The following MIER3 variants were observed in gnomAD, a reference collection of about 807,000 sequenced individuals.
The protein encoded by MIER3 is mesoderm induction early response protein 3.
Under a neutral mutation model 63.2 loss-of-function variants are expected in MIER3, and 9 were observed. That is an observed-to-expected ratio of 0.14 (90% CI 0.09 to 0.25). The LOEUF (loss-of-function observed/expected upper bound fraction) is 0.25. Among genes scored for constraint, MIER3 ranks in the 10% least tolerant of loss-of-function variants. The pLI, the probability that MIER3 is intolerant of heterozygous loss-of-function variation, is 1.00. For missense variants in MIER3, 512 were observed against 666.2 expected, an observed-to-expected ratio of 0.77 and a Z score of 2.55; for synonymous variants, 205 against 224.9, an observed-to-expected ratio of 0.91 and a Z score of 0.79.
At chr5:56,944,918 G>T (rs1227558327) in intron 3 of MIER3, among the ~76,000 whole-genome samples, 1 of 134,530 alleles carries the variant, frequency 7.4e-6, no homozygotes. Context: ...GCTGGTCTCA[G>T]ACTCCTGGGC....
intron 3 of MIER3, among the ~76,000 whole-genome samples, chr5:56,943,200 G>A (rs898916244): frequency 6.6e-6 from 1 of 152,072 alleles, no homozygotes; most frequent in East Asian, 1.9e-4. Context: ...GCTAAAGACT[G>A]AACGGGAGGG....
chr5:56,927,141 G>A (rs973821397), intron 10 of MIER3, among the ~76,000 whole-genome samples: 2 of 152,044 alleles, frequency 1.3e-5, no homozygotes, highest in African/African-American at 4.8e-5. Context: ...GGTCAGTGAA[G>A]CTACTCTGTA....
chr5:56,936,780 A>G (rs1750462182), intron 5 of MIER3: 1 of 152,190 alleles, frequency 6.6e-6, no homozygotes, highest in Non-Finnish European at 1.5e-5. Flanking sequence ...TCAGCCTCCC[A>G]AAGTGTTGCA....
At chr5:56,935,205 C>T (rs551182159) in intron 7 of MIER3, among the ~76,000 whole-genome samples, 40 of 152,196 alleles carry the variant, frequency 2.6e-4, no homozygotes, top group African/African-American at 8.7e-4. Context: ...GGCTAATAAG[C>T]ACTATGTGTG....
chr5:56,939,628 T>A (rs1248898106), intron 3 of MIER3, among the ~76,000 whole-genome samples: 1 of 152,220 alleles, frequency 6.6e-6, no homozygotes, highest in Non-Finnish European at 1.5e-5. Flanking sequence ...ATTCTGGGTT[T>A]GAATCCCAGT....
intron 7 of MIER3, among the ~76,000 whole-genome samples, chr5:56,935,120 T>C (rs1311731895): frequency 3.3e-5 from 5 of 152,114 alleles, no homozygotes; most frequent in Non-Finnish European, 5.9e-5. Flanking sequence ...TACCCACTTC[T>C]ACTGAAGCAG....
chr5:56,934,217 G>C (rs1750366572), intron 7 of MIER3, among the ~76,000 whole-genome samples: 1 of 151,674 alleles, frequency 6.6e-6, no homozygotes, highest in African/African-American at 2.4e-5. Flanking sequence ...CAGATACCAG[G>C]GACCATGATA....
chr5:56,948,260 C>T (rs1750894049), intron 2 of MIER3, among the ~76,000 whole-genome samples: 1 of 152,192 alleles, frequency 6.6e-6, no homozygotes, highest in Non-Finnish European at 1.5e-5. Context: ...TCTAAAAATA[C>T]AATTTCTACA....
chr5:56,951,765 G>A (rs1037832640), intron 1 of MIER3, among the ~76,000 whole-genome samples: 33 of 151,676 alleles, frequency 2.2e-4, no homozygotes, highest in Admixed American at 3.9e-4. Context: ...CCGGCGGCCC[G>A]CGTCAGCGAC....
At chr5:56,924,890 G>C (rs1294304739) in intron 10 of MIER3, among the ~76,000 whole-genome samples, 1 of 152,146 alleles carries the variant, frequency 6.6e-6, no homozygotes, top group Non-Finnish European at 1.5e-5. Context: ...ACTAATATGG[G>C]AATAAGCTTT....
chr5:56,947,330 C>T (rs146285098), intron 2 of MIER3, among the ~76,000 whole-genome samples: 102 of 152,196 alleles, frequency 6.7e-4, no homozygotes, highest in African/African-American at 2.1e-3. Context: ...CTTATGATAA[C>T]AACAAAGTGA....
chr5:56,931,365 A>C (rs1190891554), intron 8 of MIER3, among the ~76,000 whole-genome samples: 1 of 152,310 alleles, frequency 6.6e-6, no homozygotes. Context: ...AAGGAAGTGA[A>C]GATGGTTCAA....
chr5:56,927,318 TATA>T, intron 10 of MIER3, among the ~76,000 whole-genome samples: 1 of 152,206 alleles, frequency 6.6e-6, no homozygotes, highest in South Asian at 2.1e-4. Context: ...TAATAAAAGA[TATA>T]ATAATAACTA....
At chr5:56,935,539 A>C in intron 6 of MIER3, 39 bp from the exon 7 acceptor site, 1 of 1,539,602 alleles carries the variant, frequency 6.5e-7, no homozygotes, top group Non-Finnish European at 8.8e-7. Context: ...CTTATTAAAA[A>C]AAAAATACTG....
rs913735117 is a variant in MIER3, at chr5:56,921,714, A to G, written c.*1414T>C. On this transcript the variant is annotated 3_prime_UTR_variant, in exon 13 of 13. Coordinates refer to ENST00000381199, the MANE Select transcript of MIER3 (RefSeq NM_001297599.2). Reference sequence around the variant, plus strand: ...TTATACTTACAAATATTAGCAATGCAGCCAAACATTTGTTTTTTGCAAAGC... The same window carrying G: ...TTATACTTACAAATATTAGCAATGCGGCCAAACATTTGTTTTTTGCAAAGC... 2 of 152,672 alleles carry G rather than the reference A, an allele frequency of 1.3e-5. No individual in the cohort carries two copies. The highest frequency in any genetic ancestry group is 4.8e-5 in the African/African-American group (2 of 41,466). The allele number at this position is 152,672 out of a possible 1,614,324, so 9.5% of individuals were successfully genotyped here.
chr5:56,951,282 C>G (rs1306613288), intron 1 of MIER3, among the ~76,000 whole-genome samples: 1 of 152,042 alleles, frequency 6.6e-6, no homozygotes, highest in Non-Finnish European at 1.5e-5. Context: ...CTCCCTGGAC[C>G]GTCAGCGCGC....
chr5:56,945,978 A>G (rs1750812004), intron 3 of MIER3, among the ~76,000 whole-genome samples: 1 of 152,222 alleles, frequency 6.6e-6, no homozygotes, highest in East Asian at 1.9e-4. Context: ...AAACATCAAT[A>G]AAAAGAATAG....
chr5:56,930,654 T>C lies in MIER3; in HGVS notation c.829+10A>G, dbSNP rs765215578. The C allele has an allele frequency of 6.2e-7, 1 of 1,611,752 alleles. No homozygotes were observed. Among genetic ancestry groups the C allele is most frequent in the Non-Finnish European group, 8.5e-7 (1 of 1,177,886 alleles). On this transcript the variant is annotated intron_variant, in intron 9 of 12. Transcript: ENST00000381199. ...GTCATGTCCCTCTCTTAAACCCAAG[T>C]GTTTCTTACCTTGAGAGGCCTTTCC...
chr5:56,946,661 A>G (rs1750831906), intron 3 of MIER3, among the ~76,000 whole-genome samples: 1 of 152,096 alleles, frequency 6.6e-6, no homozygotes, highest in Non-Finnish European at 1.5e-5. Flanking sequence ...TAGGGCTTAT[A>G]GTTTTCCGTA....
Sources: gnomAD v4.1 joint callset for allele counts (sites outside exome capture counted in the v4.1 genomes callset) on GRCh38, gnomAD v4.1.1 for gene constraint, MANE v1.5 for transcripts, NCBI Gene and HGNC (gene_info 2026-07-23, HGNC 2026-07-21) for gene names.